The following MAN2B2 variants were observed in gnomAD, a reference collection of about 807,000 sequenced individuals.
MAN2B2 encodes the protein mannosidase alpha class 2B member 2, also known as epididymis-specific alpha-mannosidase.
Under a neutral mutation model 117.1 loss-of-function variants are expected in MAN2B2, and 106 were observed. That is an observed-to-expected ratio of 0.90 (90% CI 0.77 to 1.06). The LOEUF (loss-of-function observed/expected upper bound fraction) is 1.06, where lower values mean the gene tolerates loss of function less well. Ranked by LOEUF, MAN2B2 falls within the 50% of genes least tolerant of loss-of-function variation. The pLI is 0.00. For synonymous variants in MAN2B2, 544 were observed against 595.1 expected, an observed-to-expected ratio of 0.91 and a Z score of 1.25; for missense variants, 1,326 against 1,381.4, an observed-to-expected ratio of 0.96 and a Z score of 0.64.
Position 6,621,217 on chromosome 4 carries a change from G to T in MAN2B2, c.2962G>T (p.Gly988Ter). The change falls in exon 19 of 19, where the codon GGA (glycine) becomes TGA (stop). Residue 988 changes from glycine (G) to a stop codon, truncating the protein, a stop_gained. Coordinates refer to ENST00000285599, the MANE Select transcript of MAN2B2 (RefSeq NM_015274.3). LOFTEE classifies it high-confidence loss of function. ...GDTTSPSRPP[G>*]GPIITVHPKE... Reference sequence around the variant, plus strand: ...CACCACCTCTCCCTCGAGGCCACCAGGAGGCCCCATCATCACCGTCCACCC... The same window carrying T: ...CACCACCTCTCCCTCGAGGCCACCATGAGGCCCCATCATCACCGTCCACCC... 6.2e-7 allele frequency: 1 copy of T among 1,614,104 alleles called. No individual in the cohort carries two copies. The highest frequency in any genetic ancestry group is 8.5e-7 in the Non-Finnish European group (1 of 1,179,986).
chr4:6,576,779 T>C (rs1726080836), intron 2 of MAN2B2, 55 bp downstream of exon 2: 3 of 1,601,132 alleles, frequency 1.9e-6, no homozygotes, highest in South Asian at 2.2e-5. Context: ...AAGACCCAGG[T>C]GGAAAACTCA....
intron 10 of MAN2B2, 101 bp from the exon 11 acceptor site, chr4:6,604,954 G>A (rs937075068): frequency 1.4e-5 from 19 of 1,382,692 alleles, no homozygotes; most frequent in Admixed American, 1.0e-4. Flanking sequence ...GGCAGGATCC[G>A]AGAGATGGAA....
Position 6,619,862 on chromosome 4 carries a change from C to G in MAN2B2, c.2815-65C>G, listed in dbSNP as rs971618507. The G allele has an allele frequency of 4.8e-6, 7 of 1,467,050 alleles. No homozygotes were observed. The African/African-American group carries it at 9.7e-5, about 20-fold the overall frequency. 90.9% of individuals were successfully genotyped at this position (1,467,050 alleles called of 1,614,324 possible). Reference sequence around the variant, plus strand: ...CGTGGTGTGTCTGCCCTGCTGCTGTCTTGGTTCTCTGCTCAGCTCTGGAAC... The same window carrying G: ...CGTGGTGTGTCTGCCCTGCTGCTGTGTTGGTTCTCTGCTCAGCTCTGGAAC... On this transcript the variant is annotated intron_variant, in intron 17 of 18. Transcript: ENST00000285599.
intron 17 of MAN2B2, chr4:6,618,172 G>C (rs576410594): frequency 2.6e-5 from 4 of 152,486 alleles, no homozygotes; most frequent in Middle Eastern, 3.4e-3. Flanking sequence ...TTTTAGTAGA[G>C]ACACGGTCTT....
In MAN2B2 at chr4:6,610,981, G is replaced by C; in HGVS notation, c.2361G>C (p.Gly787=). The C allele has an allele frequency of 6.2e-7, 1 of 1,614,184 alleles. No individual in the cohort carries two copies. Among genetic ancestry groups the C allele is most frequent in the African/African-American group, 1.3e-5 (1 of 75,044 alleles). ...RAHGISSQGN[G]QVEVMLHRRL... ...ATGGCATCTCCAGCCAAGGGAATGG[G>C]CAGGTGGAGGTAGGAGGCACGGTCT... The change falls in exon 14 of 19, where the codon GGG becomes GGC. Residue 787 remains glycine (G), a synonymous_variant. Transcript: ENST00000285599.
intron 4 of MAN2B2, among the ~76,000 whole-genome samples, chr4:6,588,787 A>C (rs1302664079): frequency 1.3e-5 from 2 of 152,154 alleles, no homozygotes; most frequent in East Asian, 3.9e-4. Flanking sequence ...ATTCAAGCAG[A>C]GTTAGAAGGT....
At chr4:6,614,873 A>G (rs1238159362) in intron 16 of MAN2B2, among the ~76,000 whole-genome samples, 7 of 152,224 alleles carry the variant, frequency 4.6e-5, no homozygotes, top group Admixed American at 4.6e-4. Context: ...AGCAGAAGCA[A>G]TCAAGTCACC....
intron 8 of MAN2B2, among the ~76,000 whole-genome samples, chr4:6,597,893 C>T (rs1727166487): frequency 6.6e-6 from 1 of 152,182 alleles, no homozygotes; most frequent in Non-Finnish European, 1.5e-5. Context: ...AACAGTTCCC[C>T]AAAAGGAGCT....
chr4:6,620,287 G>A (rs952144868), intron 18 of MAN2B2: 12 of 434,682 alleles, frequency 2.8e-5, no homozygotes, highest in Admixed American at 7.6e-5. Context: ...GTGTGCACAC[G>A]CAGACCACAC....
chr4:6,604,208 G>A (rs777135258), intron 10 of MAN2B2, among the ~76,000 whole-genome samples: 35 of 152,138 alleles, frequency 2.3e-4, no homozygotes, highest in Non-Finnish European at 2.2e-4. Context: ...ACCGCAGGGA[G>A]GAGGCTGGGT....
intron 2 of MAN2B2, among the ~76,000 whole-genome samples, chr4:6,578,116 GAA>G (rs1163926465): frequency 1.3e-5 from 2 of 152,130 alleles, no homozygotes; most frequent in Non-Finnish European, 2.9e-5. Flanking sequence ...TTCTATTCCT[GAA>G]ACTTTTCTAA....
chr4:6,579,334 CCACCACCATCACCAT>C (rs1726311813), intron 3 of MAN2B2, among the ~76,000 whole-genome samples: 2 of 101,998 alleles, frequency 2.0e-5, no homozygotes, highest in African/African-American at 7.3e-5. Context: ...ACCACCACCA[CCACCACCATCACCAT>C]CACCACCACC....
rs775607305 is a variant in MAN2B2, at chr4:6,598,186, G to T, written c.1249-12G>T. ...TGATCCTGTTCTTCCTCCCCTCTGG[G>T]GGTTGCTGCAGGTCCAGCACCATGA... On this transcript the variant is annotated splice_polypyrimidine_tract_variant and intron_variant, in intron 8 of 18. Coordinates refer to ENST00000285599, the MANE Select transcript of MAN2B2 (RefSeq NM_015274.3). The T allele has an allele frequency of 1.9e-6, 3 of 1,611,402 alleles. No individual in the cohort carries two copies. Among genetic ancestry groups the T allele is most frequent in the Non-Finnish European group, 2.5e-6 (3 of 1,178,388 alleles).
intron 12 of MAN2B2, chr4:6,609,510 C>A: frequency 1.6e-6 from 1 of 632,830 alleles, no homozygotes; most frequent in Non-Finnish European, 2.7e-6. Context: ...AAGTTCAGAG[C>A]TGGGAGAGAG....
intron 1 of MAN2B2, among the ~76,000 whole-genome samples, chr4:6,576,325 G>A (rs75547771): frequency 0.036 from 5,434 of 152,252 alleles, 338 homozygotes; most frequent in African/African-American, 0.12. Context: ...CTGACCCCTG[G>A]GCTGGGAGGG....
At chr4:6,588,663 T>C (rs6815674) in intron 4 of MAN2B2, among the ~76,000 whole-genome samples, 62,034 of 151,908 alleles carry the variant, frequency 0.41, 12,867 homozygotes, top group East Asian at 0.6. Context: ...TTCAGTGAGC[T>C]GAGATCGTGA....
intron 2 of MAN2B2, 99 bp from the exon 3 acceptor site, chr4:6,578,294 T>C (rs1193819762): frequency 2.4e-6 from 2 of 839,808 alleles, no homozygotes; most frequent in Admixed American, 4.1e-5. Flanking sequence ...TGGGGAGTTT[T>C]ATGCAGGGCG....
At chr4:6,579,376 CCACCACTACCCTTCACCAT>C (rs1726322368) in intron 3 of MAN2B2, among the ~76,000 whole-genome samples, 2 of 80,736 alleles carry the variant, frequency 2.5e-5, no homozygotes, top group Non-Finnish European at 5.7e-5. Flanking sequence ...ATCACCACCA[CCACCACTACCCTTCACCAT>C]CACCACCACC....
chr4:6,597,617 A>T (rs1727156311), intron 8 of MAN2B2, among the ~76,000 whole-genome samples: 1 of 152,166 alleles, frequency 6.6e-6, no homozygotes, highest in Non-Finnish European at 1.5e-5. Context: ...CAGCTGTGTG[A>T]TGTCAGGCAC....
Sources: gnomAD v4.1 joint callset for allele counts (sites outside exome capture counted in the v4.1 genomes callset) on GRCh38, gnomAD v4.1.1 for gene constraint, MANE v1.5 for transcripts, NCBI Gene and HGNC (gene_info 2026-07-23, HGNC 2026-07-21) for gene names.